Variants in CSPP1 observed in about 807,000 individuals in gnomAD.
The protein encoded by CSPP1 is centrosome and spindle pole associated protein 1, also known as centrosome and spindle pole-associated protein 1.
CSPP1 carries 126 observed loss-of-function variants against 164.4 expected under a neutral mutation model. That is an observed-to-expected ratio of 0.77 (90% CI 0.66 to 0.89). The LOEUF (loss-of-function observed/expected upper bound fraction) is 0.89, where lower values mean the gene tolerates loss of function less well. CSPP1 is among the 40% of genes least tolerant of loss of function. The pLI is 0.00. For missense variants in CSPP1, 1,395 were observed against 1,449.8 expected (o/e 0.96, Z 0.61); for synonymous variants, 472 against 476.7 (o/e 0.99, Z 0.13).
At chr8:67,125,177 C>G (rs1819820013) in intron 15 of CSPP1, among the ~76,000 whole-genome samples, 1 of 152,132 alleles carries the variant, frequency 6.6e-6, no homozygotes, top group Admixed American at 6.6e-5. Flanking sequence ...TTAGTGATGA[C>G]TTCTCTGAAT....
chr8:67,121,215 T>C (rs1457857431), intron 15 of CSPP1, among the ~76,000 whole-genome samples: 1 of 152,206 alleles, frequency 6.6e-6, no homozygotes. Context: ...GTACTATGTT[T>C]AATAGAAATG....
At chr8:67,127,911 C>T (rs1244759274) in intron 15 of CSPP1, among the ~76,000 whole-genome samples, 1 of 152,120 alleles carries the variant, frequency 6.6e-6, no homozygotes, top group African/African-American at 2.4e-5. Context: ...TGTTTGTTTC[C>T]AAGCATTTTA....
chr8:67,064,508 C>T lies in CSPP1; in HGVS notation c.-41C>T, dbSNP rs764936914. The T allele has an allele frequency of 6.2e-7, 1 of 1,613,184 alleles. No homozygotes were observed. The highest frequency in any genetic ancestry group is 1.3e-5 in the African/African-American group (1 of 75,034). On this transcript the variant is annotated 5_prime_UTR_variant, in exon 1 of 31. Transcript: ENST00000678616. ...GCCCGCTCCCCTGAGTAAGAGTCAG[C>T]CAGCCGCGGATGGGGAGCGTGAGTG...
chr8:67,108,529 C>T (rs990021397), intron 9 of CSPP1, among the ~76,000 whole-genome samples: 2 of 152,230 alleles, frequency 1.3e-5, no homozygotes, highest in South Asian at 2.1e-4. Flanking sequence ...TCTTGTCCTT[C>T]GTGTGAGGCC....
chr8:67,158,563 G>A lies in CSPP1; in HGVS notation c.2358G>A (p.Glu786=), dbSNP rs778138907. ...CACGAATTCAGCAGGAGTATGAAGAGGAACAGGAAAAGAAAAGAGAGAAAG... is the reference window on the plus strand; with the variant it reads ...CACGAATTCAGCAGGAGTATGAAGAAGAACAGGAAAAGAAAAGAGAGAAAG... ...QRARIQQEYE[E]EQEKKREKEE... The change falls in exon 20 of 31, where the codon GAG becomes GAA. Residue 786 remains glutamate (E), a synonymous_variant. Transcript: ENST00000678616. The A allele has an allele frequency of 1.2e-6, 2 of 1,608,098 alleles. No homozygotes were observed. The highest frequency in any genetic ancestry group is 1.3e-5 in the African/African-American group (1 of 74,638).
chr8:67,135,838 G>T (rs1822149627), intron 16 of CSPP1: 1 of 152,150 alleles, frequency 6.6e-6, no homozygotes, highest in African/African-American at 2.4e-5. Context: ...TTCCCACTAA[G>T]CATAGTCATT....
At chr8:67,142,674 T>C (rs1823739866) in intron 17 of CSPP1, among the ~76,000 whole-genome samples, 1 of 152,200 alleles carries the variant, frequency 6.6e-6, no homozygotes, top group Non-Finnish European at 1.5e-5. Flanking sequence ...TTCTTTTGGG[T>C]AAGTGCCTAG....
chr8:67,117,591 G>A (rs1818193907), intron 13 of CSPP1, among the ~76,000 whole-genome samples: 1 of 152,182 alleles, frequency 6.6e-6, no homozygotes, highest in African/African-American at 2.4e-5. Context: ...ATACTTTACT[G>A]TTGGTATTTA....
rs547469770 is a variant in CSPP1, at chr8:67,069,496, C to T, written c.-10-4747C>T. ...AGAGAAAGATAAGCATCTATAAATT[C>T]AAGAGGGAGATCTTTCAAAGCCTGG... is the stretch of plus-strand genomic sequence containing the variant. On this transcript the variant is annotated intron_variant, in intron 1 of 30. Transcript: ENST00000678616. Among the ~76,000 whole-genome samples the T allele has an allele frequency of 5.9e-5, 9 of 151,766 alleles. No homozygotes were observed. In the South Asian group the frequency reaches 1.7e-3, roughly 28 times the overall value.
rs145313487 is a variant in CSPP1, at chr8:67,138,466, T to G, written c.1975+863T>G. Among the ~76,000 whole-genome samples the G allele has an allele frequency of 8.6e-3, 1,305 of 152,320 alleles. 16 individuals carry two copies. The highest frequency in any genetic ancestry group is 0.03 in the African/African-American group (1,230 of 41,566). On this transcript the variant is annotated intron_variant, in intron 17 of 30. Coordinates refer to ENST00000678616, the MANE Select transcript of CSPP1 (RefSeq NM_001382391.1). Reference sequence around the variant, plus strand: ...AGACTTTTCACATGTTCAGTGCAGATGCAAGCATCCATTTTTTTTTGTTTT... The same window carrying G: ...AGACTTTTCACATGTTCAGTGCAGAGGCAAGCATCCATTTTTTTTTGTTTT...
At chr8:67,066,120 T>A (rs1179217763) in intron 1 of CSPP1, among the ~76,000 whole-genome samples, 1 of 152,184 alleles carries the variant, frequency 6.6e-6, no homozygotes, top group Non-Finnish European at 1.5e-5. Context: ...CCATTAAGGG[T>A]GTATTATTAA....
At chr8:67,111,502 C>T (rs1816828133) in intron 9 of CSPP1, among the ~76,000 whole-genome samples, 1 of 151,946 alleles carries the variant, frequency 6.6e-6, no homozygotes, top group Non-Finnish European at 1.5e-5. Context: ...AAGGAGGGGG[C>T]CTCATATGAA....
At chr8:67,153,721 T>A (rs1242334699) in intron 18 of CSPP1, among the ~76,000 whole-genome samples, 2 of 152,150 alleles carry the variant, frequency 1.3e-5, no homozygotes, top group Admixed American at 6.5e-5. Flanking sequence ...TTATAAATTC[T>A]ATTTTAAAGC....
At chr8:67,170,875 C>G (rs1830329845) in intron 24 of CSPP1, among the ~76,000 whole-genome samples, 1 of 151,944 alleles carries the variant, frequency 6.6e-6, no homozygotes, top group Non-Finnish European at 1.5e-5. Flanking sequence ...CAAGCTCCAC[C>G]TCCTTGGTTC....
intron 6 of CSPP1, 143 bp from the exon 7 acceptor site, chr8:67,095,150 A>T: frequency 2.3e-6 from 1 of 434,486 alleles, no homozygotes; most frequent in Non-Finnish European, 4.0e-6. Flanking sequence ...TAATGTAAAA[A>T]CGTATATATA....
chr8:67,141,295 T>A (rs1020381363), intron 17 of CSPP1, among the ~76,000 whole-genome samples: 2 of 152,186 alleles, frequency 1.3e-5, no homozygotes, highest in African/African-American at 2.4e-5. Flanking sequence ...TGTTTCCACA[T>A]TATTTTAGAA....
chr8:67,143,239 G>A (rs896470791), intron 17 of CSPP1, among the ~76,000 whole-genome samples: 7 of 151,292 alleles, frequency 4.6e-5, no homozygotes, highest in Non-Finnish European at 5.9e-5. Flanking sequence ...CCTTTTGCCC[G>A]TATCAGAGTC....
chr8:67,085,614 A>C lies in CSPP1; in HGVS notation c.200-393A>C, dbSNP rs183586481. 4.9e-4 allele frequency among the ~76,000 whole-genome samples: 74 copies of C among 152,262 alleles called. 1 individual carries two copies. The highest frequency in any genetic ancestry group is 1.4e-3 in the African/African-American group (60 of 41,584). ...TTAATTTTGCTGTTCTTGAGAAAGC[A>C]AGATGCCAAACAATGCTGGACTACT... is the stretch of plus-strand genomic sequence containing the variant. On this transcript the variant is annotated intron_variant, in intron 3 of 30. Transcript: ENST00000678616.
At chr8:67,069,777 G>T in intron 1 of CSPP1, among the ~76,000 whole-genome samples, 1 of 151,480 alleles carries the variant, frequency 6.6e-6, no homozygotes, top group African/African-American at 2.4e-5. Context: ...TCCTGCCTCA[G>T]TGTCCCCCGG....
Sources: allele counts gnomAD v4.1 joint callset (sites outside exome capture counted in the v4.1 genomes callset), GRCh38; gene constraint gnomAD v4.1.1; transcripts MANE v1.5; gene names NCBI Gene and HGNC (gene_info 2026-07-23, HGNC 2026-07-21).